KIAA1671: variants seen among roughly 807,000 people sequenced by gnomAD.
The protein encoded by KIAA1671 is KIAA1671.
Under a neutral mutation model 131.2 loss-of-function variants are expected in KIAA1671, and 52 were observed. The observed-to-expected ratio is 0.40, with a 90% CI of 0.32 to 0.50. The LOEUF (loss-of-function observed/expected upper bound fraction) is 0.50. Among genes scored for constraint, KIAA1671 ranks in the 20% least tolerant of loss-of-function variants. The probability of loss-of-function intolerance (pLI) is 0.73; values close to 1 mark genes in which losing one functional copy is unlikely to be tolerated. For missense variants in KIAA1671, 2,360 were observed against 2,364.2 expected (o/e 1.00, Z 0.04); for synonymous variants, 1,003 against 961.6 (o/e 1.04, Z -0.80).
At chr22:24,979,263 G>A (rs1923090436) in intron 1 of KIAA1671, among the ~76,000 whole-genome samples, 1 of 147,706 alleles carries the variant, frequency 6.8e-6, no homozygotes, top group African/African-American at 2.5e-5. Context: ...TGATCTGCCT[G>A]CCTCGGCCTC....
Position 25,109,037 on chromosome 22 carries a change from C to A in KIAA1671, c.4530+59673C>A, listed in dbSNP as rs73399827. ...TCACAACATGGCGGCTGGCTTTCCC[C>A]AGTATGACCTCAGAGAAGAAGGTAG... is the stretch of plus-strand genomic sequence containing the variant. On this transcript the variant is annotated intron_variant, in intron 6 of 12. Coordinates refer to ENST00000358431, the MANE Select transcript of KIAA1671 (RefSeq NM_001145206.2). Among the ~76,000 whole-genome samples the A allele has an allele frequency of 5.8e-3, 876 of 152,190 alleles. 8 individuals carry two copies. The highest frequency in any genetic ancestry group is 0.032 in the South Asian group (153 of 4,822).
chr22:25,026,937 T>C (rs1602077496), intron 2 of KIAA1671, among the ~76,000 whole-genome samples: 1 of 152,230 alleles, frequency 6.6e-6, no homozygotes, highest in Admixed American at 6.5e-5. Context: ...ACAGATCTCA[T>C]AGCAGGGTGA....
At chr22:25,129,178 G>A (rs1202952694) in intron 6 of KIAA1671, among the ~76,000 whole-genome samples, 1 of 152,008 alleles carries the variant, frequency 6.6e-6, no homozygotes, top group Non-Finnish European at 1.5e-5. Flanking sequence ...GGCGGTGGGG[G>A]GGCTCCCTAT....
At chr22:25,143,160 T>C (rs898381545) in intron 6 of KIAA1671, among the ~76,000 whole-genome samples, 1 of 152,204 alleles carries the variant, frequency 6.6e-6, no homozygotes, top group African/African-American at 2.4e-5. Context: ...AAGGAGACAG[T>C]GGTGAGTGAC....
intron 6 of KIAA1671, chr22:25,062,827 C>CCCCGCCACCCGCCCCCCGCCA: frequency 1.0e-5 from 1 of 98,998 alleles, no homozygotes; most frequent in Middle Eastern, 5.6e-3. Flanking sequence ...CACCCCCGCC[C>CCCCGCCACCCGCCCCCCGCCA]CCCGCCACCC....
At chr22:24,970,919 C>T (rs545491231) in intron 1 of KIAA1671, among the ~76,000 whole-genome samples, 3 of 152,238 alleles carry the variant, frequency 2.0e-5, no homozygotes, top group Admixed American at 1.3e-4. Context: ...CACTATCTCA[C>T]TCAATCATCG....
rs1926890575 is a variant in KIAA1671, at chr22:25,040,968, C to T, written c.3838C>T (p.Leu1280=). The part of the protein sequence containing the change: ...HSFTPGLGKQ[L]AETLETAMGT... Reference sequence around the variant, plus strand: ...TTTCACTCCTGGCTTAGGCAAGCAGCTGGCAGAGACCTTGGAGACAGCCAT... The same window carrying T: ...TTTCACTCCTGGCTTAGGCAAGCAGTTGGCAGAGACCTTGGAGACAGCCAT... Residue 1280 remains leucine, a synonymous_variant, in exon 5 of 13, where the codon CTG becomes TTG. Coordinates refer to ENST00000358431, the MANE Select transcript of KIAA1671 (RefSeq NM_001145206.2). The T allele has an allele frequency of 1.4e-6, 2 of 1,474,772 alleles. No homozygotes were observed. Among genetic ancestry groups the T allele is most frequent in the African/African-American group, 2.8e-5 (2 of 70,378 alleles). 91.4% of individuals were successfully genotyped at this position (1,474,772 alleles called of 1,614,324 possible).
At chr22:24,956,941 C>T (rs1921741157) in intron 1 of KIAA1671, among the ~76,000 whole-genome samples, 1 of 151,558 alleles carries the variant, frequency 6.6e-6, no homozygotes, top group Admixed American at 6.6e-5. Context: ...CCTGGCCCTG[C>T]CTGCTCCTGG....
chr22:25,038,571 C>G (rs969965609), intron 4 of KIAA1671, among the ~76,000 whole-genome samples, 189 bp from the exon 5 acceptor site: 19 of 152,340 alleles, frequency 1.2e-4, no homozygotes, highest in African/African-American at 4.6e-4. Flanking sequence ...CATTTATGTT[C>G]TCTCCAACAG....
At chr22:25,087,453 G>A (rs189203591) in intron 6 of KIAA1671, among the ~76,000 whole-genome samples, 35 of 152,166 alleles carry the variant, frequency 2.3e-4, no homozygotes, top group Admixed American at 2.2e-3. Context: ...GCATGGTGGC[G>A]GGCGCCTATA....
Position 25,037,891 on chromosome 22 carries a change from GT to G in KIAA1671, c.1630-868del, listed in dbSNP as rs897358708. 3.9e-3 allele frequency among the ~76,000 whole-genome samples: 586 copies of G among 152,152 alleles called. 3 individuals carry two copies. The highest frequency in any genetic ancestry group is 0.013 in the African/African-American group (560 of 41,486). On this transcript the variant is annotated intron_variant, in intron 4 of 12. Transcript: ENST00000358431. ...GACTCACTCTGTCACCCAGGCTGGA[GT>G]GCAGTGGCACGACCTCGGCTCACTG...
At chr22:25,179,105 G>A (rs932945035) in intron 9 of KIAA1671, among the ~76,000 whole-genome samples, 7 of 152,074 alleles carry the variant, frequency 4.6e-5, no homozygotes. Flanking sequence ...CGCGTCTCAC[G>A]CCCGGCGGCT....
intron 6 of KIAA1671, among the ~76,000 whole-genome samples, chr22:25,066,347 T>C (rs1340429245): frequency 6.6e-6 from 1 of 152,120 alleles, no homozygotes; most frequent in Non-Finnish European, 1.5e-5. Flanking sequence ...CAGGGTCTTA[T>C]GATGTTGCCC....
intron 6 of KIAA1671, among the ~76,000 whole-genome samples, chr22:25,133,157 A>C (rs2145947901): frequency 6.6e-6 from 1 of 152,266 alleles, no homozygotes. Context: ...TTATTATGCA[A>C]ATATACATTA....
chr22:24,963,835 G>A (rs1461647254), intron 1 of KIAA1671, among the ~76,000 whole-genome samples: 1 of 151,618 alleles, frequency 6.6e-6, no homozygotes, highest in Non-Finnish European at 1.5e-5. Context: ...AGCTACTCAG[G>A]AGGCTGAGGC....
chr22:25,123,060 A>G (rs1191959160), intron 6 of KIAA1671, among the ~76,000 whole-genome samples: 1 of 152,146 alleles, frequency 6.6e-6, no homozygotes, highest in African/African-American at 2.4e-5. Flanking sequence ...GTCAAACATG[A>G]TAGCCTCTAA....
chr22:25,084,821 G>C (rs1929620085), intron 6 of KIAA1671, among the ~76,000 whole-genome samples: 1 of 152,232 alleles, frequency 6.6e-6, no homozygotes, highest in South Asian at 2.1e-4. Flanking sequence ...CTTCACCCAT[G>C]TGTTTGGCAC....
intron 6 of KIAA1671, among the ~76,000 whole-genome samples, chr22:25,096,703 C>T (rs545631029): frequency 2.6e-5 from 4 of 152,266 alleles, no homozygotes; most frequent in Admixed American, 6.5e-5. Flanking sequence ...CCCGTGGAAC[C>T]GTCACGGCAG....
chr22:25,112,447 G>A, intron 6 of KIAA1671: 1 of 398,978 alleles, frequency 2.5e-6, no homozygotes, highest in Non-Finnish European at 4.4e-6. Context: ...ATACAGATTC[G>A]GAACCGCCAG....
Sources: allele counts gnomAD v4.1 joint callset (sites outside exome capture counted in the v4.1 genomes callset), GRCh38; gene constraint gnomAD v4.1.1; transcripts MANE v1.5; gene names NCBI Gene and HGNC (gene_info 2026-07-23, HGNC 2026-07-21).